PGAM1: variants seen among roughly 807,000 people sequenced by gnomAD.
The protein encoded by PGAM1 is phosphoglycerate mutase 1, also known as BPG-dependent PGAM 1.
Under a neutral mutation model 23.5 loss-of-function variants are expected in PGAM1, and 21 were observed. The ratio of observed to expected loss-of-function variants is 0.89; its 90% CI spans 0.63 to 1.29. The LOEUF (loss-of-function observed/expected upper bound fraction) is 1.29, where lower values mean the gene tolerates loss of function less well. Ranked by LOEUF, PGAM1 falls within the 50% of genes most tolerant of loss-of-function variation. The pLI is 0.00. For synonymous variants in PGAM1, 109 were observed against 128.6 expected (o/e 0.85, Z 1.03); for missense variants, 232 against 336.3 (o/e 0.69, Z 2.42).
chr10:97,430,198 A>C (rs1315525290), intron 1 of PGAM1, among the ~76,000 whole-genome samples, 181 bp from the exon 2 acceptor site: 1 of 152,234 alleles, frequency 6.6e-6, no homozygotes, highest in Admixed American at 6.5e-5. Context: ...TCTAGGTTTT[A>C]ACCCACATAA....
intron 1 of PGAM1, chr10:97,427,706 C>G (rs1239700557): frequency 6.5e-6 from 8 of 1,239,142 alleles, no homozygotes; most frequent in African/African-American, 1.5e-5. Context: ...AATAAGGAAG[C>G]ATTCCCTGCT....
chr10:97,432,212 G>A (rs564215836), intron 3 of PGAM1, 143 bp from the exon 4 acceptor site: 2 of 1,152,542 alleles, frequency 1.7e-6, no homozygotes, highest in Admixed American at 3.5e-5. Context: ...GCCATTCCCT[G>A]GGTTCAGAAC....
chr10:97,426,201 G>C lies in PGAM1; in HGVS notation c.-107G>C. 1.3e-6 allele frequency: 2 copies of C among 1,537,834 alleles called. No homozygotes were observed. Among genetic ancestry groups the C allele is most frequent in the Non-Finnish European group, 1.8e-6 (2 of 1,121,736 alleles). On this transcript the variant is annotated 5_prime_UTR_variant, in exon 1 of 4. Transcript: ENST00000334828. ...TGGAAAGATTTGGGCGAGAACTTGC[G>C]CGGGAGCCGGACTGAGCGGTGCGAG...
At chr10:97,427,872 G>T (rs75225382) in intron 1 of PGAM1, 1 of 1,289,346 alleles carries the variant, frequency 7.8e-7, no homozygotes. Flanking sequence ...TGCTCTCCTA[G>T]CTTCTTGCCT....
At chr10:97,427,895 CCTT>C (rs1242361591) in intron 1 of PGAM1, 1 of 1,289,262 alleles carries the variant, frequency 7.8e-7, no homozygotes, top group African/African-American at 1.5e-5. Flanking sequence ...ACTGTACCAT[CCTT>C]CTCAAATGAA....
In PGAM1 at chr10:97,430,999, T is replaced by C; in HGVS notation, c.459T>C (p.Cys153=). 1 of 1,613,934 alleles carries C rather than the reference T, an allele frequency of 6.2e-7. No homozygotes were observed. Among genetic ancestry groups the C allele is most frequent in the South Asian group, 1.1e-5 (1 of 91,082 alleles). The change falls in exon 3 of 4, where the codon TGT becomes TGC. Residue 153 remains cysteine (C), a synonymous_variant. Transcript: ENST00000334828. Reference sequence around the variant, plus strand: ...TCACAGAAGATCAGCTACCCTCCTGTGAGAGTCTGAAGGATACTATTGCCA... The same window carrying C: ...TCACAGAAGATCAGCTACCCTCCTGCGAGAGTCTGAAGGATACTATTGCCA... ...ADLTEDQLPS[C]ESLKDTIARA...
At chr10:97,429,908 T>G (rs993739652) in intron 1 of PGAM1, among the ~76,000 whole-genome samples, 3 of 151,890 alleles carry the variant, frequency 2.0e-5, no homozygotes, top group African/African-American at 4.8e-5. Flanking sequence ...TAGCTGGATA[T>G]GGTGGCGTGC....
Position 97,426,215 on chromosome 10 carries a change from G to C in PGAM1, c.-93G>C. ...CGAGAACTTGCGCGGGAGCCGGACT[G>C]AGCGGTGCGAGCGCGCAGGCGCGGC... is the stretch of plus-strand genomic sequence containing the variant. On this transcript the variant is annotated 5_prime_UTR_variant, in exon 1 of 4. Coordinates refer to ENST00000334828, the MANE Select transcript of PGAM1 (RefSeq NM_002629.4). The C allele has an allele frequency of 6.3e-7, 1 of 1,582,406 alleles. No individual in the cohort carries two copies.
rs562285595 is a variant in PGAM1, at chr10:97,431,261, T to C, written c.595+126T>C. 50 of 1,149,972 alleles carry C rather than the reference T, an allele frequency of 4.3e-5. No individual in the cohort carries two copies. In the Admixed American group the frequency reaches 4.9e-4, roughly 11 times the overall value. 71.2% of individuals were successfully genotyped at this position (1,149,972 alleles called of 1,614,324 possible). A position where few individuals can be genotyped will look rare whatever the true frequency, so the allele number is the denominator to read the frequency against. ...TTAACAGCTTTAGAGATGGTCTAGATTGACTTCTAGTGAAAAAACACCCTC... is the reference window on the plus strand; with the variant it reads ...TTAACAGCTTTAGAGATGGTCTAGACTGACTTCTAGTGAAAAAACACCCTC... On this transcript the variant is annotated intron_variant, in intron 3 of 3. Transcript: ENST00000334828.
At chr10:97,427,724 C>A in intron 1 of PGAM1, 1 of 1,252,882 alleles carries the variant, frequency 8.0e-7, no homozygotes. Context: ...GCTGCCGGCA[C>A]GGCCAAGAAT....
In PGAM1 at chr10:97,426,396, T is replaced by G; in HGVS notation, c.89T>G (p.Leu30Arg). The stretch of plus-strand genomic sequence containing the variant: ...TTCAGCGGCTGGTACGACGCCGACC[T>G]GAGCCCGGCGGGCCACGAGGAGGCG... ...NRFSGWYDAD[L>R]SPAGHEEAKR... Residue 30 changes from leucine (L) to arginine (R), a missense_variant, in exon 1 of 4, where the codon CTG becomes CGG. Leu to Arg is a moderately radical substitution (Grantham distance 102). Coordinates refer to ENST00000334828, the MANE Select transcript of PGAM1 (RefSeq NM_002629.4). 6.2e-7 allele frequency: 1 copy of G among 1,605,958 alleles called. No individual in the cohort carries two copies. Among genetic ancestry groups the G allele is most frequent in the Non-Finnish European group, 8.5e-7 (1 of 1,177,216 alleles).
chr10:97,427,221 C>T (rs1845420604), intron 1 of PGAM1: 3 of 961,204 alleles, frequency 3.1e-6, no homozygotes, highest in South Asian at 9.6e-5. Context: ...CGGATCCTAG[C>T]GGATCGACAC....
rs1589457337 is a variant in PGAM1 at position 97,432,332 on chromosome 10, CTGA to C, written c.596-17_596-15del. ...TGATGTGGATTTATGTCTTGTGTGG[CTGA>C]TGATGGTGGATGTTTTCAGGTCTCT... On this transcript the variant is annotated intron_variant, in intron 3 of 3. Coordinates refer to ENST00000334828, the MANE Select transcript of PGAM1 (RefSeq NM_002629.4). 10 of 1,612,006 alleles carry C rather than the reference CTGA, an allele frequency of 6.2e-6. No individual in the cohort carries two copies. The highest frequency in any genetic ancestry group is 8.5e-6 in the Non-Finnish European group (10 of 1,179,876).
rs1013056148 is a variant in PGAM1 at position 97,427,568 on chromosome 10, G to A, written c.139+1122G>A. On this transcript the variant is annotated intron_variant, in intron 1 of 3. Coordinates refer to ENST00000334828, the MANE Select transcript of PGAM1 (RefSeq NM_002629.4). ...CGCCCTAGTCCTGGGTGAAGTAACA[G>A]GTAGGTGTGAGGAACTGGTAGGCTT... The A allele has an allele frequency of 9.5e-6, 11 of 1,159,964 alleles. No homozygotes were observed. In the African/African-American group the frequency reaches 1.6e-4, roughly 17 times the overall value. 71.9% of individuals were successfully genotyped at this position (1,159,964 alleles called of 1,614,324 possible).
chr10:97,430,308 A>G (rs1456538348), intron 1 of PGAM1, 71 bp from the exon 2 acceptor site: 3 of 1,566,318 alleles, frequency 1.9e-6, no homozygotes, highest in East Asian at 2.2e-5. Flanking sequence ...TGTACAGGAG[A>G]TTGATACTGA....
intron 3 of PGAM1, among the ~76,000 whole-genome samples, chr10:97,431,357 C>T (rs1168142477): frequency 2.0e-5 from 3 of 152,196 alleles, no homozygotes. Context: ...GTTATACATG[C>T]AGAACCTCAG....
At chr10:97,430,098 A>G (rs1332296034) in intron 1 of PGAM1, among the ~76,000 whole-genome samples, 1 of 152,092 alleles carries the variant, frequency 6.6e-6, no homozygotes, top group African/African-American at 2.4e-5. Context: ...TGAAATGCAA[A>G]CATCAGGATC....
chr10:97,426,632 G>T (rs1845413078), intron 1 of PGAM1, among the ~76,000 whole-genome samples, 186 bp downstream of exon 1: 1 of 152,398 alleles, frequency 6.6e-6, no homozygotes, highest in South Asian at 2.1e-4. Flanking sequence ...ACGCCGTGGA[G>T]CATGAGGGGC....
intron 1 of PGAM1, among the ~76,000 whole-genome samples, chr10:97,430,043 C>CAAA (rs71814636): frequency 1.4e-5 from 1 of 69,806 alleles, no homozygotes; most frequent in Non-Finnish European, 3.2e-5. Context: ...GACTCCGTCT[C>CAAA]AAAAAAAAAA....
Sources: allele counts gnomAD v4.1 joint callset (sites outside exome capture counted in the v4.1 genomes callset), GRCh38; gene constraint gnomAD v4.1.1; transcripts MANE v1.5; gene names NCBI Gene and HGNC (gene_info 2026-07-23, HGNC 2026-07-21).